HYDIN: variants seen among roughly 807,000 people sequenced by gnomAD.
HYDIN encodes axonemal central pair apparatus protein HYDIN.
A neutral mutation model predicts 403.9 loss-of-function variants in HYDIN; 132 were observed. The observed-to-expected ratio is 0.33, with a 90% CI of 0.28 to 0.38. The LOEUF is 0.38. Among genes scored for constraint, HYDIN ranks in the 10% least tolerant of loss-of-function variants. The pLI, the probability that HYDIN is intolerant of heterozygous loss-of-function variation, is 1.00. For missense variants in HYDIN, 2,827 were observed against 5,009.5 expected, an observed-to-expected ratio of 0.56 and a Z score of 13.15; for synonymous variants, 1,202 against 1,891.7, an observed-to-expected ratio of 0.64 and a Z score of 9.46.
chr16:71,157,387 C>T (rs1018972305), intron 6 of HYDIN, among the ~76,000 whole-genome samples: 1 of 152,158 alleles, frequency 6.6e-6, no homozygotes, highest in Non-Finnish European at 1.5e-5. Flanking sequence ...ATCCACTGCT[C>T]TACCATGTCT....
intron 23 of HYDIN, among the ~76,000 whole-genome samples, chr16:71,012,909 G>A (rs1358596875): frequency 2.0e-5 from 3 of 146,378 alleles, no homozygotes; most frequent in South Asian, 2.2e-4. Flanking sequence ...TCTCTTTGGC[G>A]GGTGCCAGGA....
At chr16:71,212,581 T>C (rs549500539) in intron 1 of HYDIN, among the ~76,000 whole-genome samples, 12 of 152,156 alleles carry the variant, frequency 7.9e-5, no homozygotes, top group African/African-American at 2.4e-4. Flanking sequence ...TGTAAGTAAA[T>C]AGTATATTTT....
chr16:71,200,100 C>T (rs1279620075), intron 1 of HYDIN, among the ~76,000 whole-genome samples: 1 of 152,156 alleles, frequency 6.6e-6, no homozygotes, highest in East Asian at 1.9e-4. Flanking sequence ...CCAACAGCGC[C>T]ATGACAGTTT....
At chr16:71,017,601 TA>T (rs1386699734) in intron 23 of HYDIN, among the ~76,000 whole-genome samples, 1 of 151,474 alleles carries the variant, frequency 6.6e-6, no homozygotes, top group Non-Finnish European at 1.5e-5. Flanking sequence ...ATGAGGTAGT[TA>T]AAATAGTTAA....
intron 10 of HYDIN, chr16:71,113,924 G>T (rs7193110): frequency 4.0e-5 from 6 of 151,302 alleles, no homozygotes; most frequent in Non-Finnish European, 5.9e-5. Flanking sequence ...AAAGATTACA[G>T]GCTGGTCATT....
intron 10 of HYDIN, among the ~76,000 whole-genome samples, chr16:71,107,813 A>G (rs1205736519): frequency 6.6e-6 from 1 of 152,224 alleles, no homozygotes; most frequent in Non-Finnish European, 1.5e-5. Flanking sequence ...CAGCAATACC[A>G]TTACTGGGTA....
chr16:71,218,488 A>G (rs1265277693), intron 1 of HYDIN, among the ~76,000 whole-genome samples: 1 of 152,226 alleles, frequency 6.6e-6, no homozygotes, highest in Non-Finnish European at 1.5e-5. Flanking sequence ...GCTATTTGCC[A>G]TGGTTTTAAT....
chr16:71,151,424 C>G (rs1388283736), intron 7 of HYDIN, among the ~76,000 whole-genome samples: 3 of 151,654 alleles, frequency 2.0e-5, no homozygotes, highest in Non-Finnish European at 4.4e-5. Context: ...TTGTGCTGCT[C>G]CTTCTCTGGG....
intron 2 of HYDIN, 33 bp from the exon 3 acceptor site, chr16:71,185,023 T>G (rs3785347): frequency 2.6e-6 from 4 of 1,517,004 alleles, no homozygotes; most frequent in African/African-American, 2.8e-5. Context: ...CCAAAGATTC[T>G]TAAGTGGATG....
chr16:71,026,717 C>T (rs1597582024), intron 20 of HYDIN, among the ~76,000 whole-genome samples: 1 of 152,170 alleles, frequency 6.6e-6, no homozygotes, highest in East Asian at 1.9e-4. Flanking sequence ...ATGCGTTTTA[C>T]CTGAAAATGC....
chr16:71,194,414 A>C (rs1269525447), intron 1 of HYDIN, among the ~76,000 whole-genome samples: 1 of 152,204 alleles, frequency 6.6e-6, no homozygotes, highest in East Asian at 1.9e-4. Flanking sequence ...CGTCCCAAAA[A>C]TAAAATAAAA....
intron 1 of HYDIN, among the ~76,000 whole-genome samples, chr16:71,227,083 G>T (rs190819239): frequency 3.0e-4 from 45 of 151,520 alleles, no homozygotes; most frequent in Non-Finnish European, 5.5e-4. Flanking sequence ...TCACATACTG[G>T]GAGAAATTAT....
In HYDIN at chr16:70,839,544, A is replaced by G. The variant is rs530311058; in HGVS notation, c.13043+520T>C. ...TTCATCATGATGGAAAGTTCTCTAAAGTACTGATAGATAGCTTTGAGTAAA... is the reference window on the plus strand; with the variant it reads ...TTCATCATGATGGAAAGTTCTCTAAGGTACTGATAGATAGCTTTGAGTAAA... On this transcript the variant is annotated intron_variant, in intron 76 of 85. Coordinates refer to ENST00000393567, the MANE Select transcript of HYDIN (RefSeq NM_001270974.2). Among the ~76,000 whole-genome samples, 40 of 148,790 alleles carry G rather than the reference A, an allele frequency of 2.7e-4. No individual in the cohort carries two copies. In the South Asian group the frequency reaches 6.8e-3, roughly 25 times the overall value.
At chr16:70,931,847 T>A (rs1005832389) in intron 45 of HYDIN, among the ~76,000 whole-genome samples, 11 of 149,090 alleles carry the variant, frequency 7.4e-5, no homozygotes, top group Non-Finnish European at 3.0e-5. Flanking sequence ...AAATCCTGTC[T>A]CTACAAAAAA....
chr16:70,959,533 G>A, intron 39 of HYDIN, 114 bp downstream of exon 39: 2 of 346,046 alleles, frequency 5.8e-6, no homozygotes. Context: ...CTCAAATAAA[G>A]TCATTAGTAT....
At chr16:70,819,995 T>G (rs2036128722) in intron 83 of HYDIN, among the ~76,000 whole-genome samples, 1 of 136,442 alleles carries the variant, frequency 7.3e-6, no homozygotes, top group South Asian at 2.2e-4. Context: ...TTTTTTTTTG[T>G]ATTTTTAGTA....
intron 11 of HYDIN, among the ~76,000 whole-genome samples, chr16:71,093,214 C>A (rs1304343033): frequency 1.3e-5 from 2 of 152,154 alleles, no homozygotes; most frequent in Non-Finnish European, 2.9e-5. Flanking sequence ...AAAATGTGCC[C>A]TAGATACAAA....
At chr16:71,085,862 T>A (rs1432438105) in intron 12 of HYDIN, among the ~76,000 whole-genome samples, 1 of 152,314 alleles carries the variant, frequency 6.6e-6, no homozygotes, top group East Asian at 1.9e-4. Flanking sequence ...AAGTGTGGTA[T>A]CTTGTAAAAA....
intron 6 of HYDIN, among the ~76,000 whole-genome samples, chr16:71,156,332 A>T (rs2085765664): frequency 6.6e-6 from 1 of 152,178 alleles, no homozygotes; most frequent in Non-Finnish European, 1.5e-5. Flanking sequence ...TGCCTAACAG[A>T]TGTTAATTGG....
Sources: allele counts gnomAD v4.1 joint callset (sites outside exome capture counted in the v4.1 genomes callset), GRCh38; gene constraint gnomAD v4.1.1; transcripts MANE v1.5; gene names NCBI Gene and HGNC (gene_info 2026-07-23, HGNC 2026-07-21).